The following ASB3 variants were observed in gnomAD, a reference collection of about 807,000 sequenced individuals.
ASB3 encodes the protein ankyrin repeat and SOCS box containing 3, also known as ankyrin repeat and SOCS box protein 3.
Under a neutral mutation model 54.5 loss-of-function variants are expected in ASB3, and 41 were observed. The observed-to-expected ratio is 0.75, with a 90% CI of 0.59 to 0.98. The LOEUF (loss-of-function observed/expected upper bound fraction) is 0.98. Ranked by LOEUF, ASB3 falls within the 50% of genes least tolerant of loss-of-function variation. The pLI, the probability that ASB3 is intolerant of heterozygous loss-of-function variation, is 0.00. For synonymous variants in ASB3, 266 were observed against 221.2 expected, an observed-to-expected ratio of 1.20 and a Z score of -1.80; for missense variants, 733 against 620.0, an observed-to-expected ratio of 1.18 and a Z score of -1.94.
chr2:53,758,861 C>G (rs1301345557), intron 2 of ASB3, among the ~76,000 whole-genome samples: 1 of 152,158 alleles, frequency 6.6e-6, no homozygotes, highest in Non-Finnish European at 1.5e-5. Flanking sequence ...AAAAACGCCC[C>G]TAAGATATAT....
intron 1 of ASB3, among the ~76,000 whole-genome samples, chr2:53,779,264 C>T (rs1674518157): frequency 6.6e-6 from 1 of 152,034 alleles, no homozygotes; most frequent in Non-Finnish European, 1.5e-5. Context: ...TATTTGAGTT[C>T]CTTTTATATT....
rs1387812453 is a variant in ASB3 at position 53,771,825 on chromosome 2, C to T, written c.-13-6240G>A. The stretch of plus-strand genomic sequence containing the variant: ...ATGAGCAAATATAATTCAAATATTC[C>T]ATGTCAAAAATGTTGCTAATGCTCA... On this transcript the variant is annotated intron_variant, in intron 1 of 9. Transcript: ENST00000263634. The T allele has an allele frequency of 5.2e-6, 4 of 771,134 alleles. No homozygotes were observed. The East Asian group carries it at 1.0e-4, about 19-fold the overall frequency. 47.8% of individuals were successfully genotyped at this position (771,134 alleles called of 1,614,324 possible). A position where few individuals can be genotyped will look rare whatever the true frequency, so the allele number is the denominator to read the frequency against.
chr2:53,777,838 C>T (rs1219620365), intron 1 of ASB3, among the ~76,000 whole-genome samples: 3 of 152,124 alleles, frequency 2.0e-5, no homozygotes, highest in African/African-American at 7.2e-5. Context: ...AACAATATAA[C>T]ATTTTTTAAA....
At chr2:53,780,340 G>A (rs777793400) in intron 1 of ASB3, among the ~76,000 whole-genome samples, 67 of 152,136 alleles carry the variant, frequency 4.4e-4, no homozygotes, top group Non-Finnish European at 3.7e-4. Context: ...TCAAATGAGC[G>A]AACTAATGTT....
chr2:53,767,512 C>T (rs1673547898), intron 1 of ASB3: 1 of 182,498 alleles, frequency 5.5e-6, no homozygotes, highest in Non-Finnish European at 1.2e-5. Flanking sequence ...TCTCCTTCCT[C>T]GGCCCCGTTA....
At chr2:53,713,440 A>G (rs1475704997) in intron 7 of ASB3, among the ~76,000 whole-genome samples, 5 of 152,220 alleles carry the variant, frequency 3.3e-5, no homozygotes, top group Admixed American at 6.5e-5. Flanking sequence ...GGCTGTTCTT[A>G]CACACAGCTT....
At chr2:53,752,462 C>A (rs556410196) in intron 2 of ASB3, among the ~76,000 whole-genome samples, 16 of 152,346 alleles carry the variant, frequency 1.1e-4, no homozygotes, top group African/African-American at 3.8e-4. Context: ...AGGCTCCTCC[C>A]CACTGCATAA....
intron 1 of ASB3, chr2:53,768,142 C>A: frequency 1.8e-6 from 2 of 1,137,676 alleles, no homozygotes; most frequent in Non-Finnish European, 2.4e-6. Context: ...AAGCACATGG[C>A]TTGGGGTAAC....
At chr2:53,700,562 A>T in intron 7 of ASB3, 34 bp from the exon 8 acceptor site, 1 of 1,571,372 alleles carries the variant, frequency 6.4e-7, no homozygotes, top group Non-Finnish European at 8.6e-7. Context: ...AAAAAAGAAG[A>T]AGTTAGACTT....
chr2:53,760,737 C>G (rs1264966183), intron 2 of ASB3, among the ~76,000 whole-genome samples: 1 of 152,202 alleles, frequency 6.6e-6, no homozygotes, highest in African/African-American at 2.4e-5. Context: ...TCAAAACTAT[C>G]AAGCAGATAG....
chr2:53,750,177 C>T (rs890542910), intron 3 of ASB3, among the ~76,000 whole-genome samples: 2 of 151,954 alleles, frequency 1.3e-5, no homozygotes, highest in African/African-American at 4.8e-5. Flanking sequence ...TCATGTTCCA[C>T]TAAACTTTAT....
At chr2:53,701,185 G>C (rs180864911) in intron 7 of ASB3, among the ~76,000 whole-genome samples, 47 of 152,048 alleles carry the variant, frequency 3.1e-4, no homozygotes, top group African/African-American at 1.1e-3. Context: ...ATGTTGCCCA[G>C]GCTGGTCTCA....
intron 3 of ASB3, among the ~76,000 whole-genome samples, chr2:53,746,075 G>A (rs1033601054): frequency 5.3e-5 from 8 of 152,036 alleles, no homozygotes; most frequent in African/African-American, 1.9e-4. Context: ...TAAGGGAGGA[G>A]GATCGCTTGA....
chr2:53,748,865 A>G (rs1212876136), intron 3 of ASB3, among the ~76,000 whole-genome samples: 2 of 152,190 alleles, frequency 1.3e-5, no homozygotes, highest in Non-Finnish European at 2.9e-5. Flanking sequence ...TGAGGGCTGT[A>G]GACCAAATAA....
At chr2:53,702,157 G>A (rs1031282442) in intron 7 of ASB3, among the ~76,000 whole-genome samples, 4 of 152,082 alleles carry the variant, frequency 2.6e-5, no homozygotes, top group African/African-American at 9.7e-5. Flanking sequence ...CCTTGTATTA[G>A]AAGGGGCAAG....
intron 5 of ASB3, among the ~76,000 whole-genome samples, chr2:53,725,803 T>C (rs1189557491): frequency 6.6e-6 from 1 of 152,186 alleles, no homozygotes; most frequent in Non-Finnish European, 1.5e-5. Context: ...CTATAGATCC[T>C]TCAGAAATTT....
In ASB3 at chr2:53,675,226, T is replaced by A. The variant is rs537092678; in HGVS notation, c.1370-4536A>T. ...TCCCAGGCACCACAGAATCTAGTGA[T>A]CTCCAAATGTTTTGATTACACACTA... On this transcript the variant is annotated intron_variant, in intron 9 of 9. Transcript: ENST00000263634. 3.9e-5 allele frequency among the ~76,000 whole-genome samples: 6 copies of A among 152,270 alleles called. No individual in the cohort carries two copies. In the South Asian group the frequency reaches 1.2e-3, roughly 32 times the overall value.
In ASB3 at chr2:53,670,658, A is replaced by C. The variant is rs1463286918; in HGVS notation, c.1402T>G (p.Leu468Val). ...GATTTTAGACTGGACCGAATTTCCA[A>C]ACGACAAAGATGGGTCAGGGATGGA... is the stretch of plus-strand genomic sequence containing the variant. Reference protein sequence around the residue: ...TVPSLTHLCRLEIRSSLKSER... With the variant: ...TVPSLTHLCRVEIRSSLKSER... The change falls in exon 10 of 10, where the codon TTG becomes GTG. Residue 468 changes from leucine to valine, a missense_variant. Leu to Val is a conservative substitution (Grantham distance 32). Transcript: ENST00000263634. The C allele has an allele frequency of 8.7e-6, 14 of 1,613,910 alleles. No individual in the cohort carries two copies. The highest frequency in any genetic ancestry group is 1.2e-5 in the Non-Finnish European group (14 of 1,179,964).
At chr2:53,714,208 C>G (rs1020326331) in intron 7 of ASB3, among the ~76,000 whole-genome samples, 176 bp downstream of exon 7, 1 of 152,156 alleles carries the variant, frequency 6.6e-6, no homozygotes, top group African/African-American at 2.4e-5. Flanking sequence ...GATATTATCA[C>G]CTCATTTCTG....
Sources: allele counts gnomAD v4.1 joint callset (sites outside exome capture counted in the v4.1 genomes callset), GRCh38; gene constraint gnomAD v4.1.1; transcripts MANE v1.5; gene names NCBI Gene and HGNC (gene_info 2026-07-23, HGNC 2026-07-21).